The following SOX5 variants were observed in gnomAD, a reference collection of about 807,000 sequenced individuals.
SOX5 encodes SRY-box transcription factor 5.
SOX5 carries 9 observed loss-of-function variants against 92.0 expected under a neutral mutation model. The observed-to-expected ratio is 0.10, with a 90% CI of 0.06 to 0.17. The LOEUF (loss-of-function observed/expected upper bound fraction) is 0.17, where lower values mean the gene tolerates loss of function less well. Among genes scored for constraint, SOX5 ranks in the 10% least tolerant of loss-of-function variants. The pLI is 1.00. For synonymous variants in SOX5, 344 were observed against 336.3 expected (o/e 1.02, Z -0.25); for missense variants, 642 against 944.5 (o/e 0.68, Z 4.20).
chr12:24,215,549 G>A (rs1339793564), intron 3 of SOX5, among the ~76,000 whole-genome samples: 2 of 151,988 alleles, frequency 1.3e-5, no homozygotes, highest in African/African-American at 4.8e-5. Flanking sequence ...AACATTAGAA[G>A]TCTAAGGCTT....
chr12:24,114,602 A>AAAAAAAG (rs1565464302), intron 4 of SOX5, among the ~76,000 whole-genome samples: 2 of 147,962 alleles, frequency 1.4e-5, no homozygotes, highest in African/African-American at 5.1e-5. Context: ...AAAAAAAAAA[A>AAAAAAAG]AAATTAACAG....
At chr12:23,748,709 T>C (rs1165798225) in intron 4 of SOX5, among the ~76,000 whole-genome samples, 2 of 152,054 alleles carry the variant, frequency 1.3e-5, no homozygotes, top group Non-Finnish European at 2.9e-5. Flanking sequence ...TTTGTTTTAC[T>C]ATTTGTGTTT....
intron 1 of SOX5, among the ~76,000 whole-genome samples, chr12:23,934,088 A>G (rs906917871): frequency 2.0e-5 from 3 of 151,480 alleles, no homozygotes; most frequent in Non-Finnish European, 3.0e-5. Flanking sequence ...CTCTACTAAA[A>G]ATGGCAATGT....
At chr12:23,552,852 T>C (rs1411671286) in intron 11 of SOX5, among the ~76,000 whole-genome samples, 1 of 151,974 alleles carries the variant, frequency 6.6e-6, no homozygotes, top group Non-Finnish European at 1.5e-5. Context: ...ATAGGCCCTT[T>C]TCATTTTCTT....
chr12:23,856,463 C>T (rs1376750690), intron 2 of SOX5, among the ~76,000 whole-genome samples: 4 of 152,052 alleles, frequency 2.6e-5, no homozygotes, highest in Admixed American at 2.0e-4. Flanking sequence ...AAATAATTCT[C>T]AGAGAAATTC....
chr12:24,177,809 G>T (rs939495721), intron 4 of SOX5, among the ~76,000 whole-genome samples: 2 of 130,810 alleles, frequency 1.5e-5, no homozygotes, highest in Non-Finnish European at 3.3e-5. Flanking sequence ...CACTCACAGG[G>T]TCACTAGGCT....
intron 6 of SOX5, among the ~76,000 whole-genome samples, chr12:23,685,973 T>C (rs2087491688): frequency 6.6e-6 from 1 of 152,110 alleles, no homozygotes; most frequent in South Asian, 2.1e-4. Flanking sequence ...TAAATAAAAA[T>C]TCAATAAAAC....
chr12:24,083,885 T>C (rs1160396569), intron 4 of SOX5, among the ~76,000 whole-genome samples: 2 of 152,040 alleles, frequency 1.3e-5, no homozygotes, highest in African/African-American at 2.4e-5. Flanking sequence ...GCTGGAGCCA[T>C]AGAGTACTTG....
rs2096129278 is a variant in SOX5 at position 23,822,034 on chromosome 12, C to T, written c.481+23949G>A. 2.6e-5 allele frequency among the ~76,000 whole-genome samples: 4 copies of T among 152,012 alleles called. No individual in the cohort carries two copies. The South Asian group carries it at 8.3e-4, about 32-fold the overall frequency. On this transcript the variant is annotated intron_variant, in intron 3 of 14. Transcript: ENST00000451604. ...CTTCTCTCTTTTCTTATTAGTCTGG[C>T]TAGCAGTCTATCTATTTTGTTAATC...
intron 11 of SOX5, among the ~76,000 whole-genome samples, chr12:23,557,480 GAT>G (rs779923475): frequency 5.9e-5 from 9 of 152,178 alleles, no homozygotes; most frequent in Non-Finnish European, 1.2e-4. Flanking sequence ...TGCCTTAAGA[GAT>G]ATATGCACAC....
chr12:23,717,342 T>C (rs1256157470), intron 6 of SOX5, among the ~76,000 whole-genome samples: 1 of 152,212 alleles, frequency 6.6e-6, no homozygotes, highest in East Asian at 1.9e-4. Context: ...ATTGTGACTT[T>C]ATTCATTAAG....
At chr12:24,458,875 AAGAT>A (rs1943317148) in intron 1 of SOX5, among the ~76,000 whole-genome samples, 1 of 152,220 alleles carries the variant, frequency 6.6e-6, no homozygotes, top group South Asian at 2.1e-4. Context: ...AGAACATTCC[AAGAT>A]AGTAAAACTT....
At chr12:24,417,421 T>C (rs1965209315) in intron 1 of SOX5, among the ~76,000 whole-genome samples, 1 of 152,218 alleles carries the variant, frequency 6.6e-6, no homozygotes, top group African/African-American at 2.4e-5. Flanking sequence ...GCTATTTTTA[T>C]GTCCAGAAGG....
intron 1 of SOX5, among the ~76,000 whole-genome samples, chr12:24,473,910 G>A (rs1042363873): frequency 1.3e-5 from 2 of 152,150 alleles, no homozygotes; most frequent in Admixed American, 6.6e-5. Context: ...ATACATAAGA[G>A]ATGAAAAACA....
At chr12:23,578,140 A>AAAAAAAAAAAAAAAAAAC (rs1949501630) in intron 9 of SOX5, among the ~76,000 whole-genome samples, 1 of 135,596 alleles carries the variant, frequency 7.4e-6, no homozygotes, top group Non-Finnish European at 1.6e-5. Context: ...AAAAAAAAAA[A>AAAAAAAAAAAAAAAAAAC]AAAAAAAAAA....
intron 1 of SOX5, among the ~76,000 whole-genome samples, chr12:24,442,475 A>G (rs1207146721): frequency 6.6e-6 from 1 of 152,214 alleles, no homozygotes; most frequent in Non-Finnish European, 1.5e-5. Flanking sequence ...AAAGAGAAAA[A>G]TAAAGCAAAG....
At chr12:24,120,326 A>G (rs1178774848) in intron 4 of SOX5, among the ~76,000 whole-genome samples, 1 of 152,144 alleles carries the variant, frequency 6.6e-6, no homozygotes, top group Non-Finnish European at 1.5e-5. Flanking sequence ...TATCCTCACT[A>G]CAGTACACAT....
At chr12:24,075,884 G>T (rs1942519770) in intron 4 of SOX5, among the ~76,000 whole-genome samples, 1 of 152,148 alleles carries the variant, frequency 6.6e-6, no homozygotes, top group Admixed American at 6.6e-5. Flanking sequence ...ACAAATTCCT[G>T]CATACAAAGG....
intron 1 of SOX5, among the ~76,000 whole-genome samples, chr12:24,466,556 A>G (rs1944256446): frequency 6.6e-6 from 1 of 152,220 alleles, no homozygotes; most frequent in South Asian, 2.1e-4. Context: ...AGGGGTCCAG[A>G]CAGCCTCGAG....
Sources: allele counts gnomAD v4.1 joint callset (sites outside exome capture counted in the v4.1 genomes callset), GRCh38; gene constraint gnomAD v4.1.1; transcripts MANE v1.5; gene names NCBI Gene and HGNC (gene_info 2026-07-23, HGNC 2026-07-21).